Variants in C12orf42 observed in about 807,000 individuals in gnomAD.
The protein encoded by C12orf42 is uncharacterized protein C12orf42.
Under a neutral mutation model 21.6 loss-of-function variants are expected in C12orf42, and 25 were observed. The ratio of observed to expected loss-of-function variants is 1.16; its 90% CI spans 0.84 to 1.62. The LOEUF is 1.62. Among genes scored for constraint, C12orf42 ranks in the 40% most tolerant of loss-of-function variants. The pLI is 0.00. For missense variants in C12orf42, 483 were observed against 459.3 expected (o/e 1.05, Z -0.47); for synonymous variants, 174 against 175.0 (o/e 0.99, Z 0.05).
intron 3 of C12orf42, among the ~76,000 whole-genome samples, chr12:103,392,626 G>T (rs1020100094): frequency 3.3e-5 from 5 of 151,720 alleles, no homozygotes; most frequent in African/African-American, 7.3e-5. Flanking sequence ...TCCTTTTCAG[G>T]TTGTTTATTG....
At chr12:103,293,110 A>G (rs547256440) in intron 4 of C12orf42, among the ~76,000 whole-genome samples, 2 of 151,844 alleles carry the variant, frequency 1.3e-5, no homozygotes, top group Admixed American at 6.6e-5. Context: ...GCCTTTTTTG[A>G]CTATCAATTT....
At chr12:103,328,213 T>C (rs986330534) in intron 4 of C12orf42, among the ~76,000 whole-genome samples, 9 of 152,148 alleles carry the variant, frequency 5.9e-5, no homozygotes, top group Non-Finnish European at 8.8e-5. Context: ...TAACATCTTA[T>C]GGCCTGCCTT....
intron 4 of C12orf42, among the ~76,000 whole-genome samples, chr12:103,351,920 T>C (rs1165481612): frequency 2.0e-5 from 3 of 151,926 alleles, no homozygotes; most frequent in Non-Finnish European, 4.4e-5. Context: ...ATTTTCTCCC[T>C]CTCTATCCCC....
the C12orf42 span, among the ~76,000 whole-genome samples, chr12:103,169,197 TA>T: frequency 6.1e-4 from 82 of 133,772 alleles, no homozygotes; most frequent in African/African-American, 1.8e-3. Flanking sequence ...AATAAATAAA[TA>T]AAATAAAGAT....
At chr12:103,342,141 G>T (rs1416755474) in intron 4 of C12orf42, among the ~76,000 whole-genome samples, 5 of 152,118 alleles carry the variant, frequency 3.3e-5, no homozygotes, top group African/African-American at 1.2e-4. Context: ...GACCCTCTAT[G>T]TAGTGGGGTG....
intron 2 of C12orf42, among the ~76,000 whole-genome samples, chr12:103,461,960 T>G (rs1952731960): frequency 6.6e-6 from 1 of 152,030 alleles, no homozygotes; most frequent in Non-Finnish European, 1.5e-5. Context: ...TTCATAATAT[T>G]GGACTCTTTG....
chr12:103,232,577 G>A, the C12orf42 span, among the ~76,000 whole-genome samples: 2 of 152,000 alleles, frequency 1.3e-5, no homozygotes, highest in Non-Finnish European at 2.9e-5. Flanking sequence ...CAGGTGTGGT[G>A]GCAGGCGCCT....
intron 2 of C12orf42, among the ~76,000 whole-genome samples, chr12:103,419,154 G>A (rs1036436317): frequency 2.0e-5 from 3 of 152,134 alleles, no homozygotes; most frequent in East Asian, 3.9e-4. Flanking sequence ...GAGAACCACA[G>A]GGAGTTCAGT....
At chr12:103,334,688 G>A (rs951415847) in intron 4 of C12orf42, among the ~76,000 whole-genome samples, 2 of 152,018 alleles carry the variant, frequency 1.3e-5, no homozygotes, top group Non-Finnish European at 2.9e-5. Flanking sequence ...CAGAGGCCAC[G>A]TGAATGGCAT....
At chr12:103,490,919 T>C (rs1955145478) in intron 1 of C12orf42, among the ~76,000 whole-genome samples, 1 of 152,120 alleles carries the variant, frequency 6.6e-6, no homozygotes, top group African/African-American at 2.4e-5. Flanking sequence ...TAGTGGGTAG[T>C]AGCATACCTT....
chr12:103,483,011 C>T (rs1954580027), intron 1 of C12orf42, among the ~76,000 whole-genome samples: 2 of 152,090 alleles, frequency 1.3e-5, no homozygotes, highest in African/African-American at 4.8e-5. Flanking sequence ...TATTTTTCCT[C>T]TCAATATAGT....
intron 10 of C12orf42, among the ~76,000 whole-genome samples, chr12:103,253,630 C>T (rs1428457049): frequency 7.2e-5 from 11 of 152,004 alleles, no homozygotes; most frequent in Admixed American, 4.6e-4. Flanking sequence ...TGTATAGGAA[C>T]GCTTGCGATT....
At chr12:103,068,923 C>A in the C12orf42 span, among the ~76,000 whole-genome samples, 119 of 92,606 alleles carry the variant, frequency 1.3e-3, 1 homozygote, top group Middle Eastern at 6.1e-3. Context: ...ATATATATAT[C>A]TCTCTCTCCA....
chr12:103,088,929 C>T, the C12orf42 span, among the ~76,000 whole-genome samples: 11 of 151,890 alleles, frequency 7.2e-5, no homozygotes, highest in Non-Finnish European at 1.6e-4. Context: ...CAGTGAAACC[C>T]CGTCTCTACT....
At chr12:103,220,510 C>T in the C12orf42 span, among the ~76,000 whole-genome samples, 1 of 152,124 alleles carries the variant, frequency 6.6e-6, no homozygotes, top group Non-Finnish European at 1.5e-5. Context: ...CAAAAGATCT[C>T]TTTTTATACA....
the C12orf42 span, among the ~76,000 whole-genome samples, chr12:103,522,012 C>A: frequency 6.6e-6 from 1 of 152,150 alleles, no homozygotes; most frequent in Non-Finnish European, 1.5e-5. Context: ...CTGGTTGGCA[C>A]CTTTTGTGCA....
the C12orf42 span, among the ~76,000 whole-genome samples, chr12:103,214,701 G>A: frequency 2.3e-3 from 352 of 152,284 alleles, 2 homozygotes; most frequent in African/African-American, 8.1e-3. Context: ...TGGAAATAAC[G>A]GTCATAGTTA....
chr12:103,454,264 T>G (rs550667356), intron 2 of C12orf42, among the ~76,000 whole-genome samples: 125 of 152,204 alleles, frequency 8.2e-4, no homozygotes, highest in African/African-American at 2.8e-3. Flanking sequence ...CCACCACAGC[T>G]TTCCTAGGAA....
chr12:103,300,119 G>A (rs1191096392), downstream of C12orf42, among the ~76,000 whole-genome samples: 1 of 152,182 alleles, frequency 6.6e-6, no homozygotes, highest in African/African-American at 2.4e-5. Flanking sequence ...TTTGAGCAAT[G>A]TTTTCCCAAG....
Sources: gnomAD v4.1 joint callset for allele counts (sites outside exome capture counted in the v4.1 genomes callset) on GRCh38, gnomAD v4.1.1 for gene constraint, MANE v1.5 for transcripts, NCBI Gene and HGNC (gene_info 2026-07-23, HGNC 2026-07-21) for gene names.